Variants in MPPED1 observed in about 807,000 individuals in gnomAD.
MPPED1 encodes metallophosphoesterase domain-containing protein 1.
MPPED1 carries 16 observed loss-of-function variants against 36.2 expected under a neutral mutation model. The observed-to-expected ratio is 0.44, with a 90% CI of 0.30 to 0.67. MPPED1 has a LOEUF of 0.67. Ranked by LOEUF, MPPED1 falls within the 30% of genes least tolerant of loss-of-function variation. The pLI is 0.10. For synonymous variants in MPPED1, 199 were observed against 191.3 expected (o/e 1.04, Z -0.33); for missense variants, 307 against 453.4 (o/e 0.68, Z 2.93).
chr22:43,495,984 AGATGGT>A (rs1932318519), intron 4 of MPPED1, among the ~76,000 whole-genome samples: 2 of 71,022 alleles, frequency 2.8e-5, no homozygotes, highest in Non-Finnish European at 2.9e-5. Flanking sequence ...GTGGTGGTGG[AGATGGT>A]GGTGGTGGTG....
intron 3 of MPPED1, among the ~76,000 whole-genome samples, chr22:43,462,600 A>G (rs945178677): frequency 6.6e-6 from 1 of 152,128 alleles, no homozygotes; most frequent in Non-Finnish European, 1.5e-5. Flanking sequence ...GTAGTTAATT[A>G]TTTTGTTTGT....
intron 5 of MPPED1, among the ~76,000 whole-genome samples, chr22:43,500,873 G>C (rs913199586): frequency 1.3e-5 from 2 of 152,084 alleles, no homozygotes; most frequent in African/African-American, 2.4e-5. Flanking sequence ...ACTTGCACAA[G>C]CTGTGATCCC....
At chr22:43,444,279 GGTGTGTGTGTGT>G (rs35340638) in intron 3 of MPPED1, among the ~76,000 whole-genome samples, 10,046 of 141,966 alleles carry the variant, frequency 0.071, 1,156 homozygotes, top group African/African-American at 0.25. Flanking sequence ...GACCCACTGG[GGTGTGTGTGTGT>G]GTGTGTGTGT....
At chr22:43,469,175 C>G (rs1254697287) in intron 3 of MPPED1, among the ~76,000 whole-genome samples, 4 of 152,180 alleles carry the variant, frequency 2.6e-5, no homozygotes, top group African/African-American at 7.2e-5. Context: ...CAGCTCCCAT[C>G]AGGGCAATGG....
rs755718723 is a variant in MPPED1 at position 43,502,791 on chromosome 22, C to G, written c.862+34C>G. Reference sequence around the variant, plus strand: ...GTAGCGGAGACAGGCACCTCACGGGCTAGGGGCTCCTAATGGACCCTCCAG... The same window carrying G: ...GTAGCGGAGACAGGCACCTCACGGGGTAGGGGCTCCTAATGGACCCTCCAG... On this transcript the variant is annotated intron_variant, in intron 6 of 6. Transcript: ENST00000443721. The surrounding 1 kb of genome is among the most constrained non-coding windows in gnomAD (Gnocchi z 5.5). 2 of 1,570,736 alleles carry G rather than the reference C, an allele frequency of 1.3e-6. No homozygotes were observed. The highest frequency in any genetic ancestry group is 8.8e-7 in the Non-Finnish European group (1 of 1,141,372).
chr22:43,488,449 A>G (rs1428157705), intron 4 of MPPED1, among the ~76,000 whole-genome samples: 1 of 152,214 alleles, frequency 6.6e-6, no homozygotes, highest in Admixed American at 6.5e-5. Context: ...TTTGCGGCTG[A>G]GGAACCTGGA....
At chr22:43,420,671 G>A (rs776313886) in intron 1 of MPPED1, among the ~76,000 whole-genome samples, 1 of 152,126 alleles carries the variant, frequency 6.6e-6, no homozygotes, top group East Asian at 1.9e-4. Flanking sequence ...CAAAGTGCTG[G>A]GATTGCAGGT....
chr22:43,489,173 G>A (rs1049895273), intron 4 of MPPED1, among the ~76,000 whole-genome samples: 9 of 152,166 alleles, frequency 5.9e-5, no homozygotes, highest in East Asian at 1.9e-4. Flanking sequence ...GACATGGAGA[G>A]GGTCATTTCA....
At chr22:43,423,829 A>G (rs950241314) in intron 1 of MPPED1, among the ~76,000 whole-genome samples, 2 of 152,254 alleles carry the variant, frequency 1.3e-5, no homozygotes, top group Non-Finnish European at 1.5e-5. Context: ...CGCAAAAGGA[A>G]TCGTTGGAGG....
In MPPED1 at chr22:43,502,110, C is replaced by T. The variant is rs906620790; in HGVS notation, c.749-534C>T. Among the ~76,000 whole-genome samples, 4 of 152,172 alleles carry T rather than the reference C, an allele frequency of 2.6e-5. No homozygotes were observed. Among genetic ancestry groups the T allele is most frequent in the Admixed American group, 6.5e-5 (1 of 15,286 alleles). The stretch of plus-strand genomic sequence containing the variant: ...GCGGGGGCAGGCGCAGGCGCAGCCA[C>T]GTGAGCGATGCTGCACCCACGGAGG... On this transcript the variant is annotated intron_variant, in intron 5 of 6. Transcript: ENST00000443721. This position sits in a 1 kb window ranked among gnomAD's most constrained non-coding sequence, Gnocchi z 5.5.
rs562114646 is a variant in MPPED1, at chr22:43,465,841, G to A, written c.407-8895G>A. ...CACCCACAGGGGTGCAAGGTTGGAC[G>A]AGGAGGGCTGAGATCAGAGCACTGC... On this transcript the variant is annotated intron_variant, in intron 3 of 6. Coordinates refer to ENST00000443721, the MANE Select transcript of MPPED1 (RefSeq NM_001044370.2). 2.2e-3 allele frequency among the ~76,000 whole-genome samples: 336 copies of A among 152,328 alleles called. 3 individuals carry two copies. Among genetic ancestry groups the A allele is most frequent in the African/African-American group, 7.3e-3 (304 of 41,586 alleles).
rs143280262 is a variant in MPPED1 at position 43,503,533 on chromosome 22, C to T, written c.862+776C>T. On this transcript the variant is annotated intron_variant, in intron 6 of 6. Transcript: ENST00000443721. ...CCCCAGGCCTCCACATTGCCTGGTC[C>T]ATATTAGATCGTTTTCCAGCTCAAA... Among the ~76,000 whole-genome samples the T allele has an allele frequency of 2.6e-3, 390 of 152,238 alleles. 3 individuals carry two copies. The highest frequency in any genetic ancestry group is 3.7e-3 in the South Asian group (18 of 4,814).
rs1012882968 is a variant in MPPED1, at chr22:43,502,872, C to T, written c.862+115C>T. On this transcript the variant is annotated intron_variant, in intron 6 of 6. Coordinates refer to ENST00000443721, the MANE Select transcript of MPPED1 (RefSeq NM_001044370.2). The surrounding 1 kb of genome is among the most constrained non-coding windows in gnomAD (Gnocchi z 5.5). ...AAATAAATAGCCCATTCCTACTGTT[C>T]GCTTTGTAACTGCTAACTGCCATAC... is the stretch of plus-strand genomic sequence containing the variant. 9.0e-5 allele frequency: 75 copies of T among 835,536 alleles called. No homozygotes were observed. The Admixed American group carries it at 1.2e-3, about 13-fold the overall frequency. 51.8% of individuals were successfully genotyped at this position (835,536 alleles called of 1,614,324 possible). A position where few individuals can be genotyped will look rare whatever the true frequency, so the allele number is the denominator to read the frequency against.
Position 43,502,633 on chromosome 22 carries a change from C to A in MPPED1, c.749-11C>A, listed in dbSNP as rs762741357. On this transcript the variant is annotated splice_polypyrimidine_tract_variant and intron_variant, in intron 5 of 6. Coordinates refer to ENST00000443721, the MANE Select transcript of MPPED1 (RefSeq NM_001044370.2). This position sits in a 1 kb window ranked among gnomAD's most constrained non-coding sequence, Gnocchi z 5.5. ...CCGCGTCATGGCCTCCTGTTGTCTCCCCCATACCAGGCTTCCTGGACTGGG... is the reference window on the plus strand; with the variant it reads ...CCGCGTCATGGCCTCCTGTTGTCTCACCCATACCAGGCTTCCTGGACTGGG... 29 of 1,610,350 alleles carry A rather than the reference C, an allele frequency of 1.8e-5. No homozygotes were observed. Among genetic ancestry groups the A allele is most frequent in the Admixed American group, 3.3e-5 (2 of 59,994 alleles).
intron 3 of MPPED1, among the ~76,000 whole-genome samples, chr22:43,436,028 C>T (rs182980881): frequency 3.3e-5 from 5 of 152,180 alleles, no homozygotes; most frequent in East Asian, 1.9e-4. Context: ...CTGCTGGTCT[C>T]GGCAGCAGAG....
At chr22:43,472,593 A>C (rs1229829486) in intron 3 of MPPED1, among the ~76,000 whole-genome samples, 1 of 152,216 alleles carries the variant, frequency 6.6e-6, no homozygotes, top group Non-Finnish European at 1.5e-5. Flanking sequence ...AATCCCGAAG[A>C]AGAAAGAGCA....
intron 4 of MPPED1, among the ~76,000 whole-genome samples, chr22:43,475,264 G>A (rs924830254): frequency 6.6e-6 from 1 of 152,082 alleles, no homozygotes; most frequent in Non-Finnish European, 1.5e-5. Flanking sequence ...GGCCCACAGT[G>A]GGTGAGGACC....
chr22:43,419,531 G>C (rs924309320), intron 1 of MPPED1, among the ~76,000 whole-genome samples: 1 of 152,046 alleles, frequency 6.6e-6, no homozygotes, highest in South Asian at 2.1e-4. Context: ...CTGAGAAGTG[G>C]GAGTGGGGCT....
At chr22:43,448,169 G>A (rs951069958) in intron 3 of MPPED1, among the ~76,000 whole-genome samples, 8 of 152,110 alleles carry the variant, frequency 5.3e-5, no homozygotes, top group Admixed American at 4.6e-4. Flanking sequence ...GATTACAGGC[G>A]TAAGCCACTG....
Sources: gnomAD v4.1 joint callset for allele counts (sites outside exome capture counted in the v4.1 genomes callset) on GRCh38, gnomAD v4.1.1 for gene constraint, Gnocchi (gnomAD v3.1) non-coding constraint, MANE v1.5 for transcripts, NCBI Gene and HGNC (gene_info 2026-07-23, HGNC 2026-07-21) for gene names.